Variants in TYW5 observed in about 807,000 individuals in gnomAD.
TYW5 encodes tRNA-yW synthesizing protein 5.
Under a neutral mutation model 44.4 loss-of-function variants are expected in TYW5, and 36 were observed. That is an observed-to-expected ratio of 0.81 (90% confidence interval 0.62 to 1.07). The LOEUF (loss-of-function observed/expected upper bound fraction) is 1.07. Among genes scored for constraint, TYW5 ranks in the 50% least tolerant of loss-of-function variants. TYW5 has a pLI of 0.00. For synonymous variants in TYW5, 121 were observed against 128.1 expected, an observed-to-expected ratio of 0.94 and a Z score of 0.37; for missense variants, 354 against 365.7, an observed-to-expected ratio of 0.97 and a Z score of 0.26.
At chr2:199,945,883 T>G (rs1050843182) in intron 2 of TYW5, 1 of 152,174 alleles carries the variant, frequency 6.6e-6, no homozygotes, top group Non-Finnish European at 1.5e-5. Flanking sequence ...AAATTAGGTA[T>G]GTAAATTGGG....
Position 199,955,418 on chromosome 2 carries a change from T to A in TYW5, c.53A>T (p.Gln18Leu). Residue 18 changes from glutamine to leucine, a missense_variant, in exon 1 of 8, where the codon CAG becomes CTG. Gln to Leu is a moderately radical substitution (Grantham distance 113). Transcript: ENST00000354611. Reference protein sequence around the residue: ...VPRLEGVSREQFMQHLYPQRK... With the variant: ...VPRLEGVSRELFMQHLYPQRK... Reference sequence around the variant, plus strand: ...CTGTGGGTAGAGGTGCTGCATGAACTGCTCCCGAGAAACGCCCTCCAGCCG... The same window carrying A: ...CTGTGGGTAGAGGTGCTGCATGAACAGCTCCCGAGAAACGCCCTCCAGCCG... The A allele has an allele frequency of 1.2e-6, 2 of 1,613,906 alleles. No individual in the cohort carries two copies. The highest frequency in any genetic ancestry group is 1.7e-6 in the Non-Finnish European group (2 of 1,179,960).
At chr2:199,934,561 C>T (rs1420221687) in intron 7 of TYW5, among the ~76,000 whole-genome samples, 1 of 151,650 alleles carries the variant, frequency 6.6e-6, no homozygotes, top group Non-Finnish European at 1.5e-5. Flanking sequence ...CATATCTGGC[C>T]CTTTTGGGGA....
rs1444521495 is a variant in TYW5, at chr2:199,930,523, G to A, written c.*2544C>T. The stretch of plus-strand genomic sequence containing the variant: ...GGGTTTTACCATGTTGGCCAGAATG[G>A]TCTTGATCTGACCTCGTGATCTGCC... On this transcript the variant is annotated 3_prime_UTR_variant, in exon 8 of 8. Transcript: ENST00000354611. The A allele has an allele frequency of 2.6e-5, 4 of 152,180 alleles. No individual in the cohort carries two copies. Among genetic ancestry groups the A allele is most frequent in the Non-Finnish European group, 4.4e-5 (3 of 68,086 alleles). The allele number at this position is 152,180 out of a possible 1,614,324, so 9.4% of individuals were successfully genotyped here.
intron 1 of TYW5, among the ~76,000 whole-genome samples, chr2:199,949,363 A>G (rs1357825541): frequency 6.6e-6 from 1 of 152,134 alleles, no homozygotes; most frequent in Non-Finnish European, 1.5e-5. Flanking sequence ...GTGAAACTCC[A>G]TCACACACAA....
At chr2:199,953,878 T>TG (rs2077568997) in intron 1 of TYW5, among the ~76,000 whole-genome samples, 1 of 152,226 alleles carries the variant, frequency 6.6e-6, no homozygotes, top group African/African-American at 2.4e-5. Context: ...AATTACAAAA[T>TG]ACCTTTTGCT....
At chr2:199,941,765 G>A (rs961007641) in intron 3 of TYW5, among the ~76,000 whole-genome samples, 1 of 152,208 alleles carries the variant, frequency 6.6e-6, no homozygotes, top group Non-Finnish European at 1.5e-5. Context: ...TTCATTGTAA[G>A]GAGTGTGATT....
Position 199,943,750 on chromosome 2 carries a change from G to C in TYW5, c.303+15C>G. On this transcript the variant is annotated intron_variant, in intron 3 of 7. Coordinates refer to ENST00000354611, the MANE Select transcript of TYW5 (RefSeq NM_001039693.3). ...GATATTAATGCCTTCTTTTAAAAATGTTAAAAGCAATTACCTCTGAAACAA... is the reference window on the plus strand; with the variant it reads ...GATATTAATGCCTTCTTTTAAAAATCTTAAAAGCAATTACCTCTGAAACAA... 1 of 1,596,172 alleles carries C rather than the reference G, an allele frequency of 6.3e-7. No homozygotes were observed. Among genetic ancestry groups the C allele is most frequent in the Non-Finnish European group, 8.5e-7 (1 of 1,171,134 alleles).
chr2:199,940,209 C>A, intron 3 of TYW5, 76 bp from the exon 4 acceptor site: 1 of 1,307,610 alleles, frequency 7.6e-7, no homozygotes, highest in South Asian at 1.3e-5. Context: ...ATTTGTATAG[C>A]TATCATGTAT....
intron 3 of TYW5, among the ~76,000 whole-genome samples, chr2:199,940,501 G>A (rs1220680399): frequency 6.6e-6 from 1 of 151,908 alleles, no homozygotes; most frequent in Non-Finnish European, 1.5e-5. Context: ...AAATTAGCTG[G>A]GCATGGTGGT....
chr2:199,938,157 T>C (rs1355714081), intron 5 of TYW5, among the ~76,000 whole-genome samples: 1 of 151,838 alleles, frequency 6.6e-6, no homozygotes, highest in Non-Finnish European at 1.5e-5. Context: ...CTCTGCCTCC[T>C]GGATTCACGC....
intron 3 of TYW5, 47 bp from the exon 4 acceptor site, chr2:199,940,180 C>A: frequency 6.4e-7 from 1 of 1,551,938 alleles, no homozygotes; most frequent in Non-Finnish European, 8.9e-7. Flanking sequence ...TTTACTTTTT[C>A]AAATGTAAAA....
intron 1 of TYW5, among the ~76,000 whole-genome samples, chr2:199,950,465 G>A (rs570765525): frequency 5.3e-5 from 8 of 152,134 alleles, no homozygotes; most frequent in African/African-American, 1.7e-4. Flanking sequence ...TAACACAGAT[G>A]AGAAAAAAAA....
Position 199,932,825 on chromosome 2 carries a change from TCTTA to T in TYW5, c.*238_*241del. On this transcript the variant is annotated 3_prime_UTR_variant, in exon 8 of 8. Transcript: ENST00000354611. Reference sequence around the variant, plus strand: ...TCATGTATTGTGAATCAATATATTTTCTTACTGTTTTTAAGTCATTTTAAGTTGG... The same window carrying T: ...TCATGTATTGTGAATCAATATATTTTCTGTTTTTAAGTCATTTTAAGTTGG... The T allele has an allele frequency of 2.1e-6, 1 of 483,280 alleles. No individual in the cohort carries two copies. Among genetic ancestry groups the T allele is most frequent in the Admixed American group, 3.8e-5 (1 of 25,984 alleles). 29.9% of individuals were successfully genotyped at this position (483,280 alleles called of 1,614,324 possible).
chr2:199,950,118 C>T (rs1262713688), intron 1 of TYW5, among the ~76,000 whole-genome samples: 5 of 152,062 alleles, frequency 3.3e-5, no homozygotes, highest in Non-Finnish European at 5.9e-5. Flanking sequence ...CTATGTATAT[C>T]GCACAAATAT....
chr2:199,945,717 T>A (rs2077499014), intron 2 of TYW5: 1 of 152,130 alleles, frequency 6.6e-6, no homozygotes, highest in Non-Finnish European at 1.5e-5. Context: ...AACACAAAAG[T>A]GTTTCAAGAC....
chr2:199,951,873 C>T (rs968027046), intron 1 of TYW5, among the ~76,000 whole-genome samples: 3 of 151,868 alleles, frequency 2.0e-5, no homozygotes, highest in African/African-American at 7.3e-5. Context: ...AAAAATTAGC[C>T]GGGTGTGGTG....
intron 6 of TYW5, among the ~76,000 whole-genome samples, 153 bp from the exon 7 acceptor site, chr2:199,936,200 C>T (rs2077419391): frequency 6.6e-6 from 1 of 152,180 alleles, no homozygotes; most frequent in Non-Finnish European, 1.5e-5. Context: ...ACACCTAAGA[C>T]AATTTTCAAT....
At chr2:199,935,467 C>T (rs1042507364) in intron 7 of TYW5, among the ~76,000 whole-genome samples, 6 of 151,794 alleles carry the variant, frequency 4.0e-5, no homozygotes, top group Non-Finnish European at 7.4e-5. Flanking sequence ...CTCAGCCTCC[C>T]GAGCAGCTGG....
At position 199,930,005 on chromosome 2, in the gene TYW5, TCACTCTGTCACC is replaced by T. The variant is rs2077363080; in HGVS notation, c.*3050_*3061del. The T allele has an allele frequency of 9.1e-5, 13 of 143,410 alleles. No individual in the cohort carries two copies. The Admixed American group carries it at 9.7e-4, about 11-fold the overall frequency. 8.9% of individuals were successfully genotyped at this position (143,410 alleles called of 1,614,324 possible). A position where few individuals can be genotyped will look rare whatever the true frequency, so the allele number is the denominator to read the frequency against. On this transcript the variant is annotated 3_prime_UTR_variant, in exon 8 of 8. Transcript: ENST00000354611. ...TTTTTTTTTTTTTTGAGACAGGGTC[TCACTCTGTCACC>T]CAGGCTGGAGTGCAGTTGCACAATT...
Sources: allele counts gnomAD v4.1 joint callset (sites outside exome capture counted in the v4.1 genomes callset), GRCh38; gene constraint gnomAD v4.1.1; transcripts MANE v1.5; gene names NCBI Gene and HGNC (gene_info 2026-07-23, HGNC 2026-07-21).